Variants in ZFP2 observed in about 807,000 individuals in gnomAD.
ZFP2 encodes the protein ZFP2 zinc finger protein.
A neutral mutation model predicts 36.1 loss-of-function variants in ZFP2; 33 were observed. The ratio of observed to expected loss-of-function variants is 0.92; its 90% CI spans 0.69 to 1.22. The LOEUF is 1.22. ZFP2 is among the 50% of genes most tolerant of loss of function. The pLI is 0.00. For missense variants in ZFP2, 522 were observed against 551.4 expected, an observed-to-expected ratio of 0.95 and a Z score of 0.53; for synonymous variants, 170 against 178.0, an observed-to-expected ratio of 0.96 and a Z score of 0.36.
rs565855631 is a variant in ZFP2 at position 178,931,852 on chromosome 5, A to G, written c.539A>G (p.His180Arg). The change falls in exon 5 of 5, where the codon CAC becomes CGC. Residue 180 changes from histidine (H) to arginine (R), a missense_variant. Physicochemically the swap from His to Arg is conservative, Grantham distance 29 (BLOSUM62 0). Transcript: ENST00000361362. ...AATCTTACTGTCCATCAACGAACTC[A>G]CACCGGAGAGAAACCCTATCAGTGT... ...SMNLTVHQRT[H>R]TGEKPYQCKE... The G allele has an allele frequency of 6.2e-7, 1 of 1,612,604 alleles. No individual in the cohort carries two copies. The highest frequency in any genetic ancestry group is 1.7e-5 in the Admixed American group (1 of 59,986).
rs568866566 is a variant in ZFP2 at position 178,897,935 on chromosome 5, T to TA, written c.-450+1967dup. Among the ~76,000 whole-genome samples, 871 of 152,332 alleles carry TA rather than the reference T, an allele frequency of 5.7e-3. 8 individuals are homozygous for TA. The highest frequency in any genetic ancestry group is 0.02 in the African/African-American group (841 of 41,574). On this transcript the variant is annotated intron_variant, in intron 1 of 4. Coordinates refer to ENST00000361362, the MANE Select transcript of ZFP2 (RefSeq NM_030613.4). ...GTTGTCTCTCATCAGTATTCTTTTT[T>TA]AAAAAAGTCTTAGTTGTTGTAACAC...
In ZFP2 at chr5:178,931,527, A is replaced by G. The variant is rs758954170; in HGVS notation, c.214A>G (p.Arg72Gly). The G allele has an allele frequency of 6.2e-7, 1 of 1,614,178 alleles. No individual in the cohort carries two copies. The highest frequency in any genetic ancestry group is 2.2e-5 in the East Asian group (1 of 44,872). The change falls in exon 5 of 5, where the codon AGG (arginine) becomes GGG (glycine). Residue 72 changes from arginine (R) to glycine (G), a missense_variant. Physicochemically the swap from Arg to Gly is moderately radical, Grantham distance 125 (BLOSUM62 -2). Transcript: ENST00000361362. ...DTQQSIPMVK[R>G]PHNCNSHGED... is the part of the protein sequence containing the mutation. ...ACAGCAAAGCATTCCTATGGTAAAA[A>G]GGCCCCATAACTGTAATTCACATGG... is the stretch of plus-strand genomic sequence containing the variant.
chr5:178,917,410 T>G (rs1283776936), intron 4 of ZFP2, among the ~76,000 whole-genome samples: 1 of 151,982 alleles, frequency 6.6e-6, no homozygotes, highest in African/African-American at 2.4e-5. Flanking sequence ...AGGTCAAGAG[T>G]TCGAGACCAG....
intron 4 of ZFP2, among the ~76,000 whole-genome samples, chr5:178,930,934 T>C (rs1318086354): frequency 6.6e-6 from 1 of 152,192 alleles, no homozygotes; most frequent in Non-Finnish European, 1.5e-5. Context: ...TTATGTAGCC[T>C]ACTCCAGTGG....
chr5:178,932,109 G>A lies in ZFP2; in HGVS notation c.796G>A (p.Gly266Arg). The A allele has an allele frequency of 6.2e-7, 1 of 1,612,850 alleles. No homozygotes were observed. The highest frequency in any genetic ancestry group is 8.5e-7 in the Non-Finnish European group (1 of 1,179,072). The change falls in exon 5 of 5, where the codon GGA becomes AGA. Residue 266 changes from glycine to arginine, a missense_variant. Transcript: ENST00000361362. Reference sequence around the variant, plus strand: ...TATTGTACATCAGAGAAGCCATACTGGAGAAAAACCCTATGAGTGTAGTCA... The same window carrying A: ...TATTGTACATCAGAGAAGCCATACTAGAGAAAAACCCTATGAGTGTAGTCA... Reference protein sequence around the residue: ...HLIVHQRSHTGEKPYECSQCG... With the variant: ...HLIVHQRSHTREKPYECSQCG...
intron 1 of ZFP2, among the ~76,000 whole-genome samples, chr5:178,896,888 G>A (rs1161044250): frequency 6.6e-6 from 1 of 152,044 alleles, no homozygotes; most frequent in East Asian, 1.9e-4. Context: ...TGAAGATAGA[G>A]AATACATCTG....
At chr5:178,910,504 T>C in intron 1 of ZFP2, 1 of 622,644 alleles carries the variant, frequency 1.6e-6, no homozygotes. Flanking sequence ...CACAGTGGCC[T>C]GCACCCTGCC....
intron 1 of ZFP2, among the ~76,000 whole-genome samples, chr5:178,910,855 CCTT>C (rs1561680323): frequency 6.6e-6 from 1 of 152,176 alleles, no homozygotes; most frequent in African/African-American, 2.4e-5. Context: ...GCCACCGCCT[CCTT>C]CATCTGCCAA....
chr5:178,897,397 G>C (rs1408896583), intron 1 of ZFP2, among the ~76,000 whole-genome samples: 1 of 152,126 alleles, frequency 6.6e-6, no homozygotes, highest in Non-Finnish European at 1.5e-5. Context: ...TTTCCTGACT[G>C]TGCAGAAACG....
chr5:178,906,884 TAA>T (rs1758178286), intron 1 of ZFP2, among the ~76,000 whole-genome samples: 1 of 150,896 alleles, frequency 6.6e-6, no homozygotes, highest in Admixed American at 6.6e-5. Context: ...TTTTTTTTAA[TAA>T]GTTTTTATTT....
intron 4 of ZFP2, among the ~76,000 whole-genome samples, chr5:178,922,946 C>G (rs56362778): frequency 6.7e-6 from 1 of 149,528 alleles, no homozygotes; most frequent in Non-Finnish European, 1.5e-5. Context: ...ATAATTTCCT[C>G]TAAGCATTGC....
chr5:178,905,253 A>G (rs1453106398), intron 1 of ZFP2, among the ~76,000 whole-genome samples: 2 of 152,198 alleles, frequency 1.3e-5, no homozygotes, highest in Non-Finnish European at 2.9e-5. Context: ...CAGATCTTTC[A>G]TTATGGCCTT....
chr5:178,897,616 A>G (rs1395513071), intron 1 of ZFP2, among the ~76,000 whole-genome samples: 1 of 152,188 alleles, frequency 6.6e-6, no homozygotes, highest in Non-Finnish European at 1.5e-5. Flanking sequence ...TTGATATGAA[A>G]TGTCACTTAT....
At chr5:178,917,577 T>C (rs146095314) in intron 4 of ZFP2, among the ~76,000 whole-genome samples, 3,025 of 151,668 alleles carry the variant, frequency 0.02, 101 homozygotes, top group African/African-American at 0.069. Context: ...ATCATGCCAC[T>C]GCACTCCAGC....
At chr5:178,919,241 A>G (rs1168746586) in intron 4 of ZFP2, among the ~76,000 whole-genome samples, 1 of 152,240 alleles carries the variant, frequency 6.6e-6, no homozygotes, top group Non-Finnish European at 1.5e-5. Flanking sequence ...CATATGACCT[A>G]TGACCTATTA....
intron 1 of ZFP2, among the ~76,000 whole-genome samples, chr5:178,909,032 G>A (rs905884664): frequency 2.7e-5 from 4 of 150,596 alleles, no homozygotes; most frequent in African/African-American, 4.9e-5. Context: ...AAAACCCCTC[G>A]TGGCCTGGAT....
chr5:178,902,075 C>G (rs1266026564), intron 1 of ZFP2, among the ~76,000 whole-genome samples: 1 of 152,168 alleles, frequency 6.6e-6, no homozygotes, highest in Non-Finnish European at 1.5e-5. Flanking sequence ...GCGGAAGTTG[C>G]AGTGACGTGA....
intron 4 of ZFP2, among the ~76,000 whole-genome samples, chr5:178,917,340 C>G (rs61492890): frequency 0.096 from 14,673 of 152,144 alleles, 766 homozygotes; most frequent in Non-Finnish European, 0.12. Flanking sequence ...TGTGGCCGGG[C>G]GTCGTGGCTC....
At position 178,924,490 on chromosome 5, in the gene ZFP2, AC is replaced by A. The variant is rs528348775; in HGVS notation, c.-77-6745del. 8.1e-4 allele frequency among the ~76,000 whole-genome samples: 121 copies of A among 148,980 alleles called. 4 individuals carry two copies. Among genetic ancestry groups the A allele is most frequent in the Non-Finnish European group, 1.5e-3 (101 of 66,322 alleles). On this transcript the variant is annotated intron_variant, in intron 4 of 4. Transcript: ENST00000361362. ...GAAGTTTCATCTTAGTGTTATCGTA[AC>A]CACTGTGCCCTTCTGCTTCTCTTTT...
Sources: gnomAD v4.1 joint callset for allele counts (sites outside exome capture counted in the v4.1 genomes callset) on GRCh38, gnomAD v4.1.1 for gene constraint, MANE v1.5 for transcripts, NCBI Gene and HGNC (gene_info 2026-07-23, HGNC 2026-07-21) for gene names.